The following MAN1A2 variants were observed in gnomAD, a reference collection of about 807,000 sequenced individuals.
The protein encoded by MAN1A2 is mannosyl-oligosaccharide 1,2-alpha-mannosidase IB.
MAN1A2 carries 26 observed loss-of-function variants against 75.7 expected under a neutral mutation model. The ratio of observed to expected loss-of-function variants is 0.34; its 90% CI spans 0.25 to 0.48. MAN1A2 has a LOEUF of 0.48. MAN1A2 is among the 20% of genes least tolerant of loss of function. The pLI, the probability that MAN1A2 is intolerant of heterozygous loss-of-function variation, is 0.99. For synonymous variants in MAN1A2, 247 were observed against 264.6 expected (o/e 0.93, Z 0.65); for missense variants, 562 against 775.5 (o/e 0.72, Z 3.27).
At chr1:117,507,552 A>G (rs535387180) in intron 12 of MAN1A2, among the ~76,000 whole-genome samples, 14 of 151,782 alleles carry the variant, frequency 9.2e-5, no homozygotes, top group African/African-American at 3.4e-4. Context: ...ATTGAGGAGG[A>G]CAGAGGCTCT....
chr1:117,472,550 C>A (rs1650192866), intron 8 of MAN1A2, among the ~76,000 whole-genome samples: 1 of 151,978 alleles, frequency 6.6e-6, no homozygotes, highest in Non-Finnish European at 1.5e-5. Context: ...TAAACAAATA[C>A]ATGATGTGAT....
Position 117,522,985 on chromosome 1 carries a change from C to A in MAN1A2, c.*28C>A, listed in dbSNP as rs767493744. 9.3e-6 allele frequency: 15 copies of A among 1,608,326 alleles called. No homozygotes were observed. Among genetic ancestry groups the A allele is most frequent in the Middle Eastern group, 1.7e-4 (1 of 6,028 alleles). On this transcript the variant is annotated 3_prime_UTR_variant, in exon 13 of 13. Coordinates refer to ENST00000356554, the MANE Select transcript of MAN1A2 (RefSeq NM_006699.5). ...GCAGTTCCAGAAGGACCATTCTCAC[C>A]TGTGTTTTGTTTACATGGACCACTA... is the stretch of plus-strand genomic sequence containing the variant.
intron 1 of MAN1A2, among the ~76,000 whole-genome samples, chr1:117,384,541 T>C (rs1406712519): frequency 1.3e-5 from 2 of 152,200 alleles, no homozygotes; most frequent in African/African-American, 4.8e-5. Flanking sequence ...TGGAGAATAT[T>C]TCATATGCAC....
chr1:117,372,457 T>C (rs1652993368), intron 1 of MAN1A2, among the ~76,000 whole-genome samples: 1 of 152,230 alleles, frequency 6.6e-6, no homozygotes, highest in Non-Finnish European at 1.5e-5. Context: ...AATTTATAGA[T>C]AATAGTGGTA....
In MAN1A2 at chr1:117,390,960, T is replaced by A. The variant is rs1653698526; in HGVS notation, c.303-11226T>A. Among the ~76,000 whole-genome samples, 4 of 152,180 alleles carry A rather than the reference T, an allele frequency of 2.6e-5. 1 individual carries two copies. The South Asian group carries it at 8.3e-4, about 31-fold the overall frequency. On this transcript the variant is annotated intron_variant, in intron 1 of 12. Transcript: ENST00000356554. The stretch of plus-strand genomic sequence containing the variant: ...CCATCCACCCATTTAAAGTATACAA[T>A]TCAGTGGTTTATTCAGAGTTTGGTA...
chr1:117,516,997 A>G (rs977086971), intron 12 of MAN1A2, among the ~76,000 whole-genome samples: 3 of 152,146 alleles, frequency 2.0e-5, no homozygotes, highest in Non-Finnish European at 4.4e-5. Context: ...ACAGGGCCAC[A>G]TAGGGTTGCA....
intron 6 of MAN1A2, among the ~76,000 whole-genome samples, chr1:117,460,081 A>C (rs1374460503): frequency 1.3e-5 from 2 of 151,178 alleles, no homozygotes; most frequent in African/African-American, 2.4e-5. Flanking sequence ...AAAAAAAAAA[A>C]CTGAGAAAGT....
intron 10 of MAN1A2, 45 bp downstream of exon 10, chr1:117,497,027 T>G: frequency 6.1e-6 from 9 of 1,484,914 alleles, no homozygotes; most frequent in African/African-American, 1.4e-5. Flanking sequence ...AAATAATCTC[T>G]AAGTTAAAAA....
At chr1:117,400,726 A>G (rs1453383964) in intron 1 of MAN1A2, among the ~76,000 whole-genome samples, 1 of 152,174 alleles carries the variant, frequency 6.6e-6, no homozygotes, top group African/African-American at 2.4e-5. Context: ...TGTAGTGTGG[A>G]TATACCACAG....
chr1:117,368,126 T>C lies in MAN1A2; in HGVS notation c.-58T>C. On this transcript the variant is annotated 5_prime_UTR_variant, in exon 1 of 13. Transcript: ENST00000356554. The stretch of plus-strand genomic sequence containing the variant: ...AAGATTTTGAAGACAGTTCAATGTA[T>C]TCTACATTTGACATAAGATGAGAAC... The C allele has an allele frequency of 3.4e-6, 5 of 1,459,514 alleles. No homozygotes were observed. The Admixed American group carries it at 8.7e-5, about 25-fold the overall frequency. 90.4% of individuals were successfully genotyped at this position (1,459,514 alleles called of 1,614,324 possible). A position where few individuals can be genotyped will look rare whatever the true frequency, so the allele number is the denominator to read the frequency against.
intron 8 of MAN1A2, among the ~76,000 whole-genome samples, chr1:117,479,282 C>CT (rs1650417547): frequency 6.6e-6 from 1 of 151,856 alleles, no homozygotes; most frequent in African/African-American, 2.4e-5. Context: ...GATCTTGTTC[C>CT]TTTTTATGGC....
intron 1 of MAN1A2, among the ~76,000 whole-genome samples, chr1:117,394,603 G>GT (rs1387868086): frequency 6.6e-6 from 1 of 152,202 alleles, no homozygotes; most frequent in Non-Finnish European, 1.5e-5. Flanking sequence ...CTGAATGAGT[G>GT]TAAGAGCAGA....
At chr1:117,422,479 A>G (rs996116545) in intron 5 of MAN1A2, among the ~76,000 whole-genome samples, 1 of 152,150 alleles carries the variant, frequency 6.6e-6, no homozygotes, top group Non-Finnish European at 1.5e-5. Context: ...ATAAATACAT[A>G]GGAATGGGAT....
At chr1:117,393,486 T>TG (rs1553230822) in intron 1 of MAN1A2, among the ~76,000 whole-genome samples, 8 of 151,474 alleles carry the variant, frequency 5.3e-5, no homozygotes, top group South Asian at 4.2e-4. Flanking sequence ...ATTTTTTTTT[T>TG]TGTGTGTGTG....
intron 8 of MAN1A2, among the ~76,000 whole-genome samples, chr1:117,483,375 G>A (rs1650562997): frequency 6.6e-6 from 1 of 152,078 alleles, no homozygotes; most frequent in South Asian, 2.1e-4. Context: ...CAATGAGCAT[G>A]GAATATTCTT....
rs114694433 is a variant in MAN1A2 at position 117,478,776 on chromosome 1, A to G, written c.1168+12349A>G. On this transcript the variant is annotated intron_variant, in intron 8 of 12. Transcript: ENST00000356554. ...TTCTGTTTGTTATTAAATCTACACA[A>G]TCAACACAGTGTGTACCATCCTGTT... 3.9e-3 allele frequency among the ~76,000 whole-genome samples: 590 copies of G among 152,098 alleles called. 7 individuals are homozygous for G. Among genetic ancestry groups the G allele is most frequent in the African/African-American group, 0.013 (555 of 41,558 alleles).
chr1:117,405,055 A>T (rs1404250591), intron 2 of MAN1A2, among the ~76,000 whole-genome samples: 2 of 152,194 alleles, frequency 1.3e-5, no homozygotes, highest in Non-Finnish European at 1.5e-5. Flanking sequence ...TCAAACAAAA[A>T]AAATAAATAA....
chr1:117,453,716 G>A (rs1421684703), intron 6 of MAN1A2, among the ~76,000 whole-genome samples: 1 of 152,168 alleles, frequency 6.6e-6, no homozygotes, highest in East Asian at 1.9e-4. Flanking sequence ...CGTAAACTTA[G>A]TTGATGCAGC....
Position 117,489,533 on chromosome 1 carries a change from G to A in MAN1A2, c.1169-3614G>A, listed in dbSNP as rs184563941. ...TAATTTTCCTTATTTGTCAGGAGTC[G>A]TCGTTTATGAGAGTAATCCTTTTCT... On this transcript the variant is annotated intron_variant, in intron 8 of 12. Coordinates refer to ENST00000356554, the MANE Select transcript of MAN1A2 (RefSeq NM_006699.5). Among the ~76,000 whole-genome samples, 263 of 151,994 alleles carry A rather than the reference G, an allele frequency of 1.7e-3. 1 individual carries two copies. Among genetic ancestry groups the A allele is most frequent in the Non-Finnish European group, 3.1e-3 (213 of 67,940 alleles).
Sources: allele counts gnomAD v4.1 joint callset (sites outside exome capture counted in the v4.1 genomes callset), GRCh38; gene constraint gnomAD v4.1.1; transcripts MANE v1.5; gene names NCBI Gene and HGNC (gene_info 2026-07-23, HGNC 2026-07-21).